Variants in C8orf34 observed in about 807,000 individuals in gnomAD.
The protein encoded by C8orf34 is uncharacterized protein C8orf34.
Under a neutral mutation model 68.3 loss-of-function variants are expected in C8orf34, and 65 were observed. The observed-to-expected ratio is 0.95, with a 90% CI of 0.78 to 1.17. C8orf34 has a LOEUF of 1.17. C8orf34 is among the 50% of genes most tolerant of loss of function. C8orf34 has a pLI of 0.00. For synonymous variants in C8orf34, 244 were observed against 241.2 expected (o/e 1.01, Z -0.11); for missense variants, 664 against 655.4 (o/e 1.01, Z -0.14).
At chr8:68,600,183 A>G (rs1166901440) in intron 7 of C8orf34, among the ~76,000 whole-genome samples, 1 of 152,086 alleles carries the variant, frequency 6.6e-6, no homozygotes, top group East Asian at 1.9e-4. Context: ...ATACATATGT[A>G]ATTTATCACA....
At chr8:68,378,795 A>C (rs953589684) in intron 1 of C8orf34, among the ~76,000 whole-genome samples, 1 of 152,182 alleles carries the variant, frequency 6.6e-6, no homozygotes, top group Non-Finnish European at 1.5e-5. Flanking sequence ...ATCTTGAAAC[A>C]ATACATATAT....
intron 1 of C8orf34, among the ~76,000 whole-genome samples, chr8:68,339,676 G>A (rs1805991959): frequency 1.3e-5 from 2 of 151,938 alleles, no homozygotes; most frequent in Non-Finnish European, 2.9e-5. Flanking sequence ...TTACCTAAAT[G>A]TAAAACCTTT....
At chr8:68,362,250 C>T (rs1466510950) in intron 1 of C8orf34, among the ~76,000 whole-genome samples, 1 of 152,086 alleles carries the variant, frequency 6.6e-6, no homozygotes, top group African/African-American at 2.4e-5. Context: ...TTCATGTTGG[C>T]TACTATTGGC....
chr8:68,434,152 G>T (rs1369303133), intron 1 of C8orf34, among the ~76,000 whole-genome samples: 1 of 152,062 alleles, frequency 6.6e-6, no homozygotes, highest in Admixed American at 6.6e-5. Context: ...TTTACTTTAA[G>T]TTCTGGGGTA....
At chr8:68,419,186 T>A (rs1809825933) in intron 1 of C8orf34, among the ~76,000 whole-genome samples, 4 of 151,766 alleles carry the variant, frequency 2.6e-5, no homozygotes, top group Admixed American at 1.3e-4. Flanking sequence ...CAGACACTTC[T>A]CAAAAGAAGA....
intron 7 of C8orf34, among the ~76,000 whole-genome samples, chr8:68,594,033 T>C (rs1424244187): frequency 6.6e-6 from 1 of 152,098 alleles, no homozygotes; most frequent in Non-Finnish European, 1.5e-5. Flanking sequence ...CAGACAGAAG[T>C]TTTTTTAAAA....
chr8:68,816,445 A>G (rs1478191141), intron 13 of C8orf34, among the ~76,000 whole-genome samples: 1 of 152,168 alleles, frequency 6.6e-6, no homozygotes, highest in Non-Finnish European at 1.5e-5. Context: ...TCATCTCTTA[A>G]GTATGTTCCA....
intron 4 of C8orf34, among the ~76,000 whole-genome samples, chr8:68,469,133 A>G (rs941188284): frequency 6.6e-6 from 1 of 152,034 alleles, no homozygotes; most frequent in African/African-American, 2.4e-5. Context: ...TTCTTTGGAA[A>G]CATACTGTTT....
intron 7 of C8orf34, among the ~76,000 whole-genome samples, chr8:68,574,667 G>A (rs953168615): frequency 6.6e-6 from 1 of 152,008 alleles, no homozygotes; most frequent in Non-Finnish European, 1.5e-5. Context: ...CTTAATGCAT[G>A]TATTTGTCTT....
chr8:68,505,734 T>G (rs1586278926), intron 5 of C8orf34, among the ~76,000 whole-genome samples: 1 of 75,458 alleles, frequency 1.3e-5, no homozygotes, highest in Admixed American at 1.4e-4. Context: ...CGAGACTCCG[T>G]CTCCAAAAAA....
intron 1 of C8orf34, among the ~76,000 whole-genome samples, chr8:68,347,631 T>C (rs1034481406): frequency 1.3e-5 from 2 of 152,136 alleles, no homozygotes; most frequent in African/African-American, 2.4e-5. Flanking sequence ...CTGTTGTTTT[T>C]TGACATTTTA....
intron 12 of C8orf34, among the ~76,000 whole-genome samples, chr8:68,799,002 C>A (rs60851352): frequency 0.094 from 14,369 of 152,170 alleles, 763 homozygotes; most frequent in Non-Finnish European, 0.12. Context: ...GTGCAATACT[C>A]ACCAGAAAAT....
intron 10 of C8orf34, among the ~76,000 whole-genome samples, chr8:68,766,126 C>T (rs534006291): frequency 4.0e-4 from 61 of 152,200 alleles, no homozygotes; most frequent in African/African-American, 1.2e-3. Flanking sequence ...CTAGTAATAC[C>T]GCTTATCTGA....
intron 12 of C8orf34, chr8:68,791,174 C>T (rs1823984395): frequency 2.4e-6 from 1 of 415,546 alleles, no homozygotes; most frequent in Non-Finnish European, 4.2e-6. Flanking sequence ...TTAATTGACT[C>T]ACAGTTCCCC....
chr8:68,416,353 C>T (rs983068599), intron 1 of C8orf34, among the ~76,000 whole-genome samples: 10 of 152,028 alleles, frequency 6.6e-5, no homozygotes, highest in African/African-American at 2.4e-4. Context: ...ATTCTCACTA[C>T]CACTAGAATA....
intron 8 of C8orf34, among the ~76,000 whole-genome samples, chr8:68,692,648 T>C (rs570866114): frequency 6.6e-6 from 1 of 152,226 alleles, no homozygotes; most frequent in African/African-American, 2.4e-5. Flanking sequence ...AACTTGTTAA[T>C]ATAGATTCCT....
At chr8:68,635,219 T>G (rs984714346) in intron 7 of C8orf34, among the ~76,000 whole-genome samples, 1 of 152,158 alleles carries the variant, frequency 6.6e-6, no homozygotes, top group Non-Finnish European at 1.5e-5. Flanking sequence ...AATCTAAAAA[T>G]GCTTAGATAA....
intron 10 of C8orf34, among the ~76,000 whole-genome samples, chr8:68,744,421 T>G (rs369870980): frequency 6.6e-6 from 1 of 151,680 alleles, no homozygotes; most frequent in Non-Finnish European, 1.5e-5. Flanking sequence ...AGGCTTCAGA[T>G]GATCAAATTA....
intron 8 of C8orf34, among the ~76,000 whole-genome samples, chr8:68,652,443 T>C (rs935121949): frequency 6.6e-6 from 1 of 152,232 alleles, no homozygotes; most frequent in African/African-American, 2.4e-5. Context: ...TGTTTTCTGC[T>C]ATCACTTAGG....
Sources: gnomAD v4.1 joint callset for allele counts (sites outside exome capture counted in the v4.1 genomes callset) on GRCh38, gnomAD v4.1.1 for gene constraint, MANE v1.5 for transcripts, NCBI Gene and HGNC (gene_info 2026-07-23, HGNC 2026-07-21) for gene names.